The following DLG1 variants were observed in gnomAD, a reference collection of about 807,000 sequenced individuals.
DLG1 encodes the protein disks large homolog 1.
Under a neutral mutation model 123.4 loss-of-function variants are expected in DLG1, and 42 were observed. That is an observed-to-expected ratio of 0.34 (90% CI 0.27 to 0.44). The LOEUF is 0.44. Ranked by LOEUF, DLG1 falls within the 20% of genes least tolerant of loss-of-function variation. DLG1 has a pLI of 1.00. For missense variants in DLG1, 942 were observed against 1,082.6 expected, an observed-to-expected ratio of 0.87 and a Z score of 1.82; for synonymous variants, 317 against 356.2, an observed-to-expected ratio of 0.89 and a Z score of 1.24.
At chr3:197,279,257 T>A (rs756244607) in intron 4 of DLG1, among the ~76,000 whole-genome samples, 64 of 152,230 alleles carry the variant, frequency 4.2e-4, no homozygotes, top group Non-Finnish European at 6.0e-4. Context: ...CCAGGTTTTT[T>A]AAAAAATCAT....
At chr3:197,097,420 C>G (rs1761186793) in intron 14 of DLG1, among the ~76,000 whole-genome samples, 1 of 152,088 alleles carries the variant, frequency 6.6e-6, no homozygotes, top group African/African-American at 2.4e-5. Context: ...ACCTTGTTTA[C>G]ATCAGCTTAT....
rs557842071 is a variant in DLG1 at position 197,104,578 on chromosome 3, A to G, written c.1546+325T>C. ...ATGCCTGTAATCCCAGTTACTTGGG[A>G]GGCTGAGGCAGGAGAATCACTTGAA... is the stretch of plus-strand genomic sequence containing the variant. On this transcript the variant is annotated intron_variant, in intron 14 of 24. Transcript: ENST00000667157. 2.6e-5 allele frequency among the ~76,000 whole-genome samples: 4 copies of G among 152,268 alleles called. No individual in the cohort carries two copies. The South Asian group carries it at 8.3e-4, about 32-fold the overall frequency.
At chr3:197,231,345 A>T (rs1026509651) in intron 4 of DLG1, among the ~76,000 whole-genome samples, 5 of 152,254 alleles carry the variant, frequency 3.3e-5, no homozygotes, top group African/African-American at 7.2e-5. Flanking sequence ...CATTTCTGTT[A>T]TAAGTAGGCT....
upstream of DLG1, chr3:197,298,636 C>A (rs1778607581): frequency 2.5e-6 from 1 of 398,282 alleles, no homozygotes; most frequent in Admixed American, 4.4e-5. Flanking sequence ...GGAAAAGCCG[C>A]CTTAAGGAGG....
chr3:197,153,921 C>T (rs1023281999), intron 5 of DLG1, among the ~76,000 whole-genome samples: 2 of 151,920 alleles, frequency 1.3e-5, no homozygotes, highest in African/African-American at 4.8e-5. Context: ...TTCAGAGTTA[C>T]CAAATTATTA....
chr3:197,078,880 AC>A (rs1313672589), intron 17 of DLG1, among the ~76,000 whole-genome samples: 1 of 152,200 alleles, frequency 6.6e-6, no homozygotes, highest in African/African-American at 2.4e-5. Context: ...TTCACAGCAA[AC>A]AACCAAAAGA....
At chr3:197,225,946 T>A (rs750862389) in intron 4 of DLG1, 10 of 152,646 alleles carry the variant, frequency 6.6e-5, no homozygotes, top group Non-Finnish European at 1.2e-4. Flanking sequence ...AAGTTTTTGA[T>A]GCTAGGAGAC....
At chr3:197,071,954 T>C (rs148072131) in intron 18 of DLG1, among the ~76,000 whole-genome samples, 2 of 152,338 alleles carry the variant, frequency 1.3e-5, no homozygotes, top group African/African-American at 4.8e-5. Context: ...GAAAGGCATA[T>C]ATATGCTTAC....
At chr3:197,215,194 A>C (rs554313094) in intron 4 of DLG1, among the ~76,000 whole-genome samples, 2 of 152,328 alleles carry the variant, frequency 1.3e-5, no homozygotes, top group African/African-American at 4.8e-5. Context: ...GATAATGCGT[A>C]ATGGCACAGG....
chr3:197,154,300 A>C (rs1795324631), intron 5 of DLG1, among the ~76,000 whole-genome samples: 2 of 149,766 alleles, frequency 1.3e-5, no homozygotes, highest in South Asian at 4.2e-4. Context: ...AGACTCTGTC[A>C]AAAAAAACAA....
intron 4 of DLG1, among the ~76,000 whole-genome samples, chr3:197,221,209 G>A (rs888821277): frequency 6.6e-6 from 1 of 152,152 alleles, no homozygotes; most frequent in Non-Finnish European, 1.5e-5. Flanking sequence ...GAACAAAGAA[G>A]TGAGAAGGAT....
intron 5 of DLG1, among the ~76,000 whole-genome samples, chr3:197,163,687 A>ATTTTTTTTTTTTTTTTTTTTTTTTTTTT: frequency 9.8e-6 from 1 of 102,034 alleles, no homozygotes; most frequent in Non-Finnish European, 1.9e-5. Flanking sequence ...ATGCTCAGCT[A>ATTTTTTTTTTTTTTTTTTTTTTTTTTTT]TTTTTTTTTT....
At chr3:197,174,030 C>T (rs1452640779) in intron 5 of DLG1, among the ~76,000 whole-genome samples, 2 of 152,136 alleles carry the variant, frequency 1.3e-5, no homozygotes, top group Non-Finnish European at 2.9e-5. Flanking sequence ...TTGCAGTGGG[C>T]TGAGATCGCG....
intron 13 of DLG1, among the ~76,000 whole-genome samples, chr3:197,110,625 CCA>C (rs1330578455): frequency 6.6e-6 from 1 of 152,138 alleles, no homozygotes; most frequent in Non-Finnish European, 1.5e-5. Context: ...TACGGCAACT[CCA>C]GATAGCAGAA....
intron 15 of DLG1, among the ~76,000 whole-genome samples, chr3:197,088,738 A>T (rs541460654): frequency 5.3e-5 from 8 of 152,270 alleles, no homozygotes; most frequent in African/African-American, 1.9e-4. Context: ...CATGTGAAAA[A>T]CTCTACAGTG....
chr3:197,154,687 A>G (rs1485562711), intron 5 of DLG1, among the ~76,000 whole-genome samples: 1 of 152,174 alleles, frequency 6.6e-6, no homozygotes, highest in Admixed American at 6.5e-5. Flanking sequence ...GAAAAAAAAA[A>G]GAATTAAAAG....
At position 197,298,507 on chromosome 3, in the gene DLG1, C is replaced by T. The variant is rs954258756; in HGVS notation, c.-32+29G>A. 11 of 398,212 alleles carry T rather than the reference C, an allele frequency of 2.8e-5. No homozygotes were observed. In the East Asian group the frequency reaches 3.9e-4, roughly 14 times the overall value. The allele number at this position is 398,212 out of a possible 1,614,324, so 24.7% of individuals were successfully genotyped here. ...GGCTGTCTGAAGAGAGGCGTGACCT[C>T]GCCTACACCAGATCCAAGGCGCACA... On this transcript the variant is annotated intron_variant, in intron 1 of 24. Coordinates refer to ENST00000667157, the MANE Select transcript of DLG1 (RefSeq NM_001366207.1).
chr3:197,173,691 C>CA lies in DLG1; in HGVS notation c.483+20733dup, dbSNP rs539360916. Among the ~76,000 whole-genome samples, 65 of 152,028 alleles carry CA rather than the reference C, an allele frequency of 4.3e-4. 1 individual carries two copies. The highest frequency in any genetic ancestry group is 1.4e-3 in the African/African-American group (57 of 41,494). On this transcript the variant is annotated intron_variant, in intron 5 of 24. Coordinates refer to ENST00000667157, the MANE Select transcript of DLG1 (RefSeq NM_001366207.1). ...GGTTAGCAAACATTTTTGGAAATGA[C>CA]AAAAAAAGAAGCGTTATGGACCATG...
intron 5 of DLG1, among the ~76,000 whole-genome samples, chr3:197,189,401 C>A (rs933241135): frequency 6.6e-6 from 1 of 151,944 alleles, no homozygotes; most frequent in Non-Finnish European, 1.5e-5. Flanking sequence ...AACAAGTTTA[C>A]AATAGGAAAA....
Sources: gnomAD v4.1 joint callset for allele counts (sites outside exome capture counted in the v4.1 genomes callset) on GRCh38, gnomAD v4.1.1 for gene constraint, MANE v1.5 for transcripts, NCBI Gene and HGNC (gene_info 2026-07-23, HGNC 2026-07-21) for gene names.